Variants in FRK observed in about 807,000 individuals in gnomAD.
The protein encoded by FRK is fyn related Src family tyrosine kinase.
Under a neutral mutation model 56.4 loss-of-function variants are expected in FRK, and 51 were observed. That is an observed-to-expected ratio of 0.90 (90% confidence interval 0.72 to 1.14). FRK has a LOEUF of 1.14. FRK is among the 50% of genes most tolerant of loss of function. FRK has a pLI of 0.00. For missense variants in FRK, 570 were observed against 601.4 expected (o/e 0.95, Z 0.55); for synonymous variants, 245 against 217.9 (o/e 1.12, Z -1.10).
intron 1 of FRK, among the ~76,000 whole-genome samples, chr6:116,021,001 T>A (rs1353846589): frequency 6.6e-6 from 1 of 152,164 alleles, no homozygotes; most frequent in African/African-American, 2.4e-5. Flanking sequence ...CTAATAAAAG[T>A]TCAGTGGTTT....
chr6:115,995,607 GA>G (rs994540563), intron 2 of FRK, among the ~76,000 whole-genome samples: 3 of 151,290 alleles, frequency 2.0e-5, no homozygotes, highest in Non-Finnish European at 4.4e-5. Context: ...ACAAAAGAGG[GA>G]AAAAAAAGAA....
At position 115,994,324 on chromosome 6, in the gene FRK, T is replaced by A. The variant is rs11758128; in HGVS notation, c.466+9553A>T. 6.5e-4 allele frequency among the ~76,000 whole-genome samples: 22 copies of A among 33,876 alleles called. 3 individuals carry two copies. The highest frequency in any genetic ancestry group is 5.9e-3 in the Admixed American group (14 of 2,378). The allele number at this position is 33,876 out of a possible 152,430, so 22.2% of individuals were successfully genotyped here. A position where few individuals can be genotyped will look rare whatever the true frequency, so the allele number is the denominator to read the frequency against. On this transcript the variant is annotated intron_variant, in intron 2 of 7. Transcript: ENST00000606080. ...ATTGGGTATCCAGAATCTCACAACC[T>A]CCCCCCCCCCCGCCTTTTTTTTGTC...
At chr6:116,028,745 A>G (rs1776191994) in intron 1 of FRK, among the ~76,000 whole-genome samples, 1 of 152,030 alleles carries the variant, frequency 6.6e-6, no homozygotes, top group African/African-American at 2.4e-5. Context: ...TCTCCTCCTA[A>G]CTAACTAGAT....
intron 2 of FRK, among the ~76,000 whole-genome samples, chr6:115,989,168 C>A (rs1378513031): frequency 6.6e-6 from 1 of 151,872 alleles, no homozygotes; most frequent in Non-Finnish European, 1.5e-5. Flanking sequence ...ATAATATATA[C>A]AATCCAGTAG....
At chr6:116,028,506 C>T (rs1776182949) in intron 1 of FRK, among the ~76,000 whole-genome samples, 1 of 152,132 alleles carries the variant, frequency 6.6e-6, no homozygotes, top group Non-Finnish European at 1.5e-5. Context: ...CTGAGGCCAA[C>T]ATGTCAGCAT....
intron 2 of FRK, among the ~76,000 whole-genome samples, chr6:115,992,589 A>T (rs535482063): frequency 1.1e-4 from 17 of 151,962 alleles, no homozygotes; most frequent in African/African-American, 3.4e-4. Context: ...AAACAATTCA[A>T]CCTTTATAAG....
At chr6:115,942,658 A>AC in intron 7 of FRK, 33 bp from the exon 8 acceptor site, 1 of 1,565,136 alleles carries the variant, frequency 6.4e-7, no homozygotes, top group Non-Finnish European at 8.8e-7. Flanking sequence ...AACAACAACA[A>AC]AAAAAACAAG....
chr6:116,081,595 T>G, the FRK span, among the ~76,000 whole-genome samples: 1 of 151,922 alleles, frequency 6.6e-6, no homozygotes, highest in Non-Finnish European at 1.5e-5. Flanking sequence ...GAGGCAGAGG[T>G]TGCTGTGACC....
At chr6:116,080,060 A>G in the FRK span, among the ~76,000 whole-genome samples, 3 of 152,240 alleles carry the variant, frequency 2.0e-5, no homozygotes, top group Admixed American at 2.0e-4. Context: ...TTTTTTTATA[A>G]TAAAAGTATT....
intron 1 of FRK, among the ~76,000 whole-genome samples, chr6:116,047,321 A>G (rs1422018402): frequency 6.6e-6 from 1 of 151,808 alleles, no homozygotes; most frequent in African/African-American, 2.4e-5. Flanking sequence ...TTGATAAATC[A>G]CAACCAGACA....
At chr6:116,059,700 TA>T (rs1448046512) in intron 1 of FRK, among the ~76,000 whole-genome samples, 6 of 152,226 alleles carry the variant, frequency 3.9e-5, no homozygotes, top group Admixed American at 3.9e-4. Flanking sequence ...GGTACAGTAT[TA>T]AACACATCAT....
chr6:116,065,985 AATCTGTCCTATGCATAGG>A, the FRK span, among the ~76,000 whole-genome samples: 30 of 152,148 alleles, frequency 2.0e-4, no homozygotes, highest in Non-Finnish European at 4.0e-4. Context: ...GAAAATCTAG[AATCTGTCCTATGCATAGG>A]AAGTCTCCCT....
intron 1 of FRK, among the ~76,000 whole-genome samples, chr6:116,036,003 C>T (rs1776467894): frequency 2.0e-5 from 3 of 152,032 alleles, no homozygotes. Flanking sequence ...TTCTCAATCA[C>T]CATTACCTCT....
chr6:116,058,323 A>G (rs1777472933), intron 1 of FRK, among the ~76,000 whole-genome samples: 1 of 152,226 alleles, frequency 6.6e-6, no homozygotes, highest in Non-Finnish European at 1.5e-5. Flanking sequence ...ATAACTGATC[A>G]ATTCCATTCA....
In FRK at chr6:115,961,324, G is replaced by A. The variant is rs1343772948; in HGVS notation, c.800-4714C>T. ...TGGAAGATGAAATGAATGAAATGAA[G>A]CAAGAAGGGAAGTTTAGAGAAAAAA... On this transcript the variant is annotated intron_variant, in intron 4 of 7. Transcript: ENST00000606080. Among the ~76,000 whole-genome samples the A allele has an allele frequency of 2.6e-5, 3 of 114,226 alleles. No individual in the cohort carries two copies. The Admixed American group carries it at 3.2e-4, about 12-fold the overall frequency. The allele number at this position is 114,226 out of a possible 152,430, so 74.9% of individuals were successfully genotyped here.
At chr6:116,083,676 A>T in the FRK span, among the ~76,000 whole-genome samples, 1 of 152,216 alleles carries the variant, frequency 6.6e-6, no homozygotes, top group South Asian at 2.1e-4. Context: ...TTTGTTTCTA[A>T]CAAGTTCCCA....
Position 116,054,514 on chromosome 6 carries a change from CTATA to C in FRK, c.344+5450_344+5453del, listed in dbSNP as rs376281491. On this transcript the variant is annotated intron_variant, in intron 1 of 7. Transcript: ENST00000606080. ...TATATTATACTATTATAATATTATA[CTATA>C]TATTATATATTATATAGTATAATAT... 1.2e-3 allele frequency among the ~76,000 whole-genome samples: 175 copies of C among 140,554 alleles called. 5 individuals are homozygous for C. In the East Asian group the frequency reaches 0.033, roughly 27 times the overall value. The allele number at this position is 140,554 out of a possible 152,430, so 92.2% of individuals were successfully genotyped here. A position where few individuals can be genotyped will look rare whatever the true frequency, so the allele number is the denominator to read the frequency against.
chr6:116,039,842 T>A (rs1776644069), intron 1 of FRK, among the ~76,000 whole-genome samples: 1 of 148,586 alleles, frequency 6.7e-6, no homozygotes, highest in Admixed American at 6.9e-5. Flanking sequence ...GCCAAGATCC[T>A]CCCCTCGGAA....
At chr6:116,014,928 AT>A (rs1208154056) in intron 1 of FRK, among the ~76,000 whole-genome samples, 3 of 152,082 alleles carry the variant, frequency 2.0e-5, no homozygotes, top group African/African-American at 7.2e-5. Context: ...GAGTACATGC[AT>A]TTTTTTCCGG....
Sources: gnomAD v4.1 joint callset for allele counts (sites outside exome capture counted in the v4.1 genomes callset) on GRCh38, gnomAD v4.1.1 for gene constraint, MANE v1.5 for transcripts, NCBI Gene and HGNC (gene_info 2026-07-23, HGNC 2026-07-21) for gene names.